NLGN1: variants seen among roughly 807,000 people sequenced by gnomAD.
NLGN1 encodes the protein neuroligin-1.
A neutral mutation model predicts 65.5 loss-of-function variants in NLGN1; 12 were observed. The ratio of observed to expected loss-of-function variants is 0.18; its 90% confidence interval spans 0.12 to 0.30. NLGN1 has a LOEUF of 0.30. Ranked by LOEUF, NLGN1 falls within the 10% of genes least tolerant of loss-of-function variation. NLGN1 has a pLI of 1.00. For synonymous variants in NLGN1, 350 were observed against 359.5 expected (o/e 0.97, Z 0.30); for missense variants, 750 against 1,007.1 (o/e 0.74, Z 3.46).
intron 4 of NLGN1, among the ~76,000 whole-genome samples, chr3:173,956,285 C>T (rs1257193294): frequency 6.6e-6 from 1 of 152,018 alleles, no homozygotes; most frequent in Non-Finnish European, 1.5e-5. Flanking sequence ...TATTATATAA[C>T]CAAAGGAAGC....
chr3:173,810,320 C>T (rs1717632751), intron 4 of NLGN1, among the ~76,000 whole-genome samples: 1 of 152,150 alleles, frequency 6.6e-6, no homozygotes, highest in Non-Finnish European at 1.5e-5. Flanking sequence ...GTTTGTCTAA[C>T]AGTAAAAAGG....
chr3:173,972,563 G>A (rs922839501), intron 4 of NLGN1, among the ~76,000 whole-genome samples: 4 of 151,998 alleles, frequency 2.6e-5, no homozygotes, highest in African/African-American at 9.7e-5. Flanking sequence ...CACAAATGTG[G>A]AAGAGAAAGA....
chr3:173,461,302 C>T lies in NLGN1; in HGVS notation c.-321+26224C>T, dbSNP rs1245970335. Among the ~76,000 whole-genome samples the T allele has an allele frequency of 2.6e-5, 4 of 151,954 alleles. No homozygotes were observed. In the East Asian group the frequency reaches 7.7e-4, roughly 29 times the overall value. On this transcript the variant is annotated intron_variant, in intron 2 of 6. Coordinates refer to ENST00000457714, the Ensembl canonical transcript of NLGN1. ...CTAGCCAAACATGTGGTTATCCAAT[C>T]CCCTTAGGAAAAATGTAGGGTCCTG...
At chr3:173,641,203 T>G (rs192399519) in intron 3 of NLGN1, among the ~76,000 whole-genome samples, 44 of 152,334 alleles carry the variant, frequency 2.9e-4, no homozygotes, top group African/African-American at 1.1e-3. Context: ...AATTTTGTTA[T>G]AGTAAATTAA....
intron 3 of NLGN1, among the ~76,000 whole-genome samples, chr3:173,799,569 G>A (rs1714946502): frequency 6.6e-6 from 1 of 151,808 alleles, no homozygotes; most frequent in Non-Finnish European, 1.5e-5. Flanking sequence ...CCCTGACTCG[G>A]TAACTACCTT....
intron 2 of NLGN1, among the ~76,000 whole-genome samples, chr3:173,588,409 C>T (rs114250440): frequency 6.6e-6 from 1 of 152,096 alleles, no homozygotes; most frequent in South Asian, 2.1e-4. Context: ...TCTGAATAAT[C>T]TCTGCCTTCA....
intron 1 of NLGN1, among the ~76,000 whole-genome samples, chr3:173,427,036 A>G (rs1031474779): frequency 5.9e-5 from 9 of 152,006 alleles, no homozygotes; most frequent in Admixed American, 5.9e-4. Flanking sequence ...CTATTTCCTC[A>G]TGATTCAATC....
intron 3 of NLGN1, among the ~76,000 whole-genome samples, chr3:173,670,213 A>G (rs1378992560): frequency 6.6e-6 from 1 of 152,206 alleles, no homozygotes; most frequent in Non-Finnish European, 1.5e-5. Flanking sequence ...TTAATATCAC[A>G]TCTCAAATGT....
At chr3:173,806,133 A>G (rs1313692739) in intron 3 of NLGN1, among the ~76,000 whole-genome samples, 1 of 152,112 alleles carries the variant, frequency 6.6e-6, no homozygotes, top group African/African-American at 2.4e-5. Context: ...GTCAAATTTA[A>G]ATAGTCTTTT....
intron 3 of NLGN1, among the ~76,000 whole-genome samples, chr3:173,750,254 A>T (rs565645376): frequency 5.3e-5 from 8 of 152,030 alleles, no homozygotes; most frequent in Middle Eastern, 3.4e-3. Flanking sequence ...AGCCTTTTTC[A>T]TGTTGTCCAG....
intron 3 of NLGN1, among the ~76,000 whole-genome samples, chr3:173,800,059 G>C (rs1184074830): frequency 7.1e-6 from 1 of 141,098 alleles, no homozygotes; most frequent in African/African-American, 2.6e-5. Flanking sequence ...AAGCCATAAT[G>C]TATTTTTTAT....
intron 4 of NLGN1, among the ~76,000 whole-genome samples, chr3:173,867,295 C>A (rs544166967): frequency 7.9e-5 from 12 of 152,102 alleles, no homozygotes; most frequent in Non-Finnish European, 1.5e-4. Flanking sequence ...TAGAGGCAAT[C>A]TTTGCCTATA....
intron 4 of NLGN1, among the ~76,000 whole-genome samples, chr3:173,998,130 C>G (rs894317238): frequency 6.6e-6 from 1 of 152,136 alleles, no homozygotes; most frequent in South Asian, 2.1e-4. Flanking sequence ...TAAAGCCCAA[C>G]AAGGATACAT....
chr3:173,800,485 T>G (rs1715223992), intron 3 of NLGN1: 1 of 213,094 alleles, frequency 4.7e-6, no homozygotes, highest in Non-Finnish European at 9.4e-6. Context: ...TTTTGTCTTC[T>G]TGCTTGTTGT....
chr3:173,803,957 T>G lies in NLGN1; in HGVS notation c.494-3723T>G, dbSNP rs377484576. Among the ~76,000 whole-genome samples the G allele has an allele frequency of 4.1e-4, 63 of 152,306 alleles. No individual in the cohort carries two copies. The South Asian group carries it at 0.012, about 30-fold the overall frequency. On this transcript the variant is annotated intron_variant, in intron 3 of 6. Coordinates refer to ENST00000457714, the Ensembl canonical transcript of NLGN1. The stretch of plus-strand genomic sequence containing the variant: ...TTAAGACAAAAAAAATCAGTAAACA[T>G]ATTTAATGATTATATCACTAATAAT...
At chr3:173,472,703 G>T (rs1725501578) in intron 2 of NLGN1, among the ~76,000 whole-genome samples, 2 of 151,794 alleles carry the variant, frequency 1.3e-5, no homozygotes, top group Non-Finnish European at 2.9e-5. Flanking sequence ...ATTAACCTGG[G>T]GTGGGAATAC....
At position 173,790,975 on chromosome 3, in the gene NLGN1, G is replaced by C. The variant is rs1008737905; in HGVS notation, c.494-16705G>C. Among the ~76,000 whole-genome samples, 8 of 152,204 alleles carry C rather than the reference G, an allele frequency of 5.3e-5. No individual in the cohort carries two copies. In the East Asian group the frequency reaches 1.5e-3, roughly 29 times the overall value. On this transcript the variant is annotated intron_variant, in intron 3 of 6. Coordinates refer to ENST00000457714, the Ensembl canonical transcript of NLGN1. ...TATGACACAGACAAATTATCAATTA[G>C]TATTAATGTATAATTTAGGAAATAC...
In NLGN1 at chr3:173,649,329, G is replaced by A. The variant is rs1758768688; in HGVS notation, c.493+44238G>A. 2.6e-5 allele frequency among the ~76,000 whole-genome samples: 4 copies of A among 151,876 alleles called. No individual in the cohort carries two copies. In the South Asian group the frequency reaches 6.2e-4, roughly 24 times the overall value. On this transcript the variant is annotated intron_variant, in intron 3 of 6. Transcript: ENST00000457714. ...TCTTGATTGCAGTAATAGTTACATA[G>A]ACATGTAACTATTACATGTTACAAG...
Position 173,454,394 on chromosome 3 carries a change from G to C in NLGN1, c.-321+19316G>C, listed in dbSNP as rs537661068. 2.6e-5 allele frequency among the ~76,000 whole-genome samples: 4 copies of C among 152,276 alleles called. No homozygotes were observed. The South Asian group carries it at 8.3e-4, about 32-fold the overall frequency. On this transcript the variant is annotated intron_variant, in intron 2 of 6. Transcript: ENST00000457714. ...AAGCCTACAAGCCAGGCATTGACTT[G>C]TTCTTTCTAGCTATGAAATTCCTAG...
Sources: allele counts gnomAD v4.1 joint callset (sites outside exome capture counted in the v4.1 genomes callset), GRCh38; gene constraint gnomAD v4.1.1; transcripts MANE v1.5; gene names NCBI Gene and HGNC (gene_info 2026-07-23, HGNC 2026-07-21).